Variants in EARS2 observed in about 807,000 individuals in gnomAD.
EARS2 encodes nondiscriminating glutamyl-tRNA synthetase EARS2, mitochondrial.
Under a neutral mutation model 54.1 loss-of-function variants are expected in EARS2, and 50 were observed. The observed-to-expected ratio is 0.92, with a 90% CI of 0.74 to 1.17. EARS2 has a LOEUF of 1.17. Among genes scored for constraint, EARS2 ranks in the 50% most tolerant of loss-of-function variants. The probability of loss-of-function intolerance (pLI) is 0.00; values close to 1 mark genes in which losing one functional copy is unlikely to be tolerated. For synonymous variants in EARS2, 298 were observed against 281.0 expected (o/e 1.06, Z -0.61); for missense variants, 673 against 675.0 (o/e 1.00, Z 0.03).
chr16:23,540,195 G>A (rs1002382975), intron 3 of EARS2, among the ~76,000 whole-genome samples: 1 of 151,994 alleles, frequency 6.6e-6, no homozygotes, highest in Non-Finnish European at 1.5e-5. Flanking sequence ...GGTGGTACAT[G>A]GCTGTGGTCA....
chr16:23,532,180 C>A lies in EARS2; in HGVS notation c.1067+477G>T, dbSNP rs1443245491. On this transcript the variant is annotated intron_variant, in intron 5 of 8. Transcript: ENST00000449606. ...AGTTGGAACGATATTTGGAGGTTTC[C>A]AAGTGAAGAGCTACTTGCAATATCA... 3.3e-5 allele frequency among the ~76,000 whole-genome samples: 5 copies of A among 152,078 alleles called. No individual in the cohort carries two copies. The East Asian group carries it at 9.6e-4, about 29-fold the overall frequency.
chr16:23,549,066 C>T (rs1171906110), intron 2 of EARS2, among the ~76,000 whole-genome samples: 3 of 152,168 alleles, frequency 2.0e-5, no homozygotes, highest in Non-Finnish European at 4.4e-5. Context: ...ACCCAAAACT[C>T]GCCAAGCTGC....
chr16:23,544,721 A>G lies in EARS2; in HGVS notation c.296-18T>C. 6.3e-7 allele frequency: 1 copy of G among 1,587,170 alleles called. No homozygotes were observed. The highest frequency in any genetic ancestry group is 8.6e-7 in the Non-Finnish European group (1 of 1,167,528). ...CGGGATGCCTGGAACACAGGGAATA[A>G]TGACAGCTAAGGTGCACACAGCGCT... On this transcript the variant is annotated intron_variant, in intron 2 of 8. Transcript: ENST00000449606.
At chr16:23,539,115 T>A (rs1965472366) in intron 3 of EARS2, among the ~76,000 whole-genome samples, 1 of 151,906 alleles carries the variant, frequency 6.6e-6, no homozygotes, top group Non-Finnish European at 1.5e-5. Context: ...GTAGCTGAGA[T>A]TATGGGCACA....
intron 3 of EARS2, among the ~76,000 whole-genome samples, chr16:23,541,693 G>A (rs936956331): frequency 4.7e-5 from 5 of 105,728 alleles, no homozygotes; most frequent in Non-Finnish European, 7.4e-5. Context: ...TATCTTTGTG[G>A]ATCTTCTTTT....
intron 3 of EARS2, 51 bp from the exon 4 acceptor site, chr16:23,535,411 C>A (rs566570847): frequency 2.6e-6 from 4 of 1,532,296 alleles, no homozygotes; most frequent in East Asian, 4.5e-5. Flanking sequence ...GGTTGATGGA[C>A]AGGAGTCCTA....
chr16:23,523,322 CT>C lies in EARS2; in HGVS notation c.*1048del, dbSNP rs750087699. ...TTTCAGAAACCAGCAGAGATGATGA[CT>C]TATAAGTCATGGAGGAAGGACGAGG... On this transcript the variant is annotated 3_prime_UTR_variant, in exon 9 of 9. Coordinates refer to ENST00000449606, the MANE Select transcript of EARS2 (RefSeq NM_001083614.2). 2.6e-5 allele frequency: 4 copies of C among 152,122 alleles called. No individual in the cohort carries two copies. Among genetic ancestry groups the C allele is most frequent in the Non-Finnish European group, 5.9e-5 (4 of 68,052 alleles). 9.4% of individuals were successfully genotyped at this position (152,122 alleles called of 1,614,324 possible). A position where few individuals can be genotyped will look rare whatever the true frequency, so the allele number is the denominator to read the frequency against.
At chr16:23,553,035 G>T in intron 1 of EARS2, 1 of 394,278 alleles carries the variant, frequency 2.5e-6, no homozygotes, top group Non-Finnish European at 5.1e-6. Flanking sequence ...ACTGAGGTGG[G>T]AGGATCACCT....
At chr16:23,525,891 A>G (rs1182548783) in intron 7 of EARS2, among the ~76,000 whole-genome samples, 2 of 151,298 alleles carry the variant, frequency 1.3e-5, no homozygotes, top group Non-Finnish European at 2.9e-5. Flanking sequence ...CCAGCTACTC[A>G]GGAGGCTGAG....
At position 23,524,303 on chromosome 16, in the gene EARS2, G is replaced by C. The variant is rs1212061331; in HGVS notation, c.*68C>G. 7.1e-7 allele frequency: 1 copy of C among 1,411,624 alleles called. No homozygotes were observed. Among genetic ancestry groups the C allele is most frequent in the Non-Finnish European group, 1.0e-6 (1 of 996,974 alleles). The allele number at this position is 1,411,624 out of a possible 1,614,324, so 87.4% of individuals were successfully genotyped here. On this transcript the variant is annotated 3_prime_UTR_variant, in exon 9 of 9. Transcript: ENST00000449606. ...CCGACGGGCCCCAGGCCTCCTTCTG[G>C]TCTCTGAAAGCTGTTTCTAAGCTCA...
intron 2 of EARS2, among the ~76,000 whole-genome samples, chr16:23,547,648 G>GC (rs1965625993): frequency 1.3e-5 from 2 of 152,186 alleles, no homozygotes; most frequent in Non-Finnish European, 2.9e-5. Flanking sequence ...GGGATTACAA[G>GC]CATGTGCCAC....
In EARS2 at chr16:23,544,716, G is replaced by A. The variant is rs1555504132; in HGVS notation, c.296-13C>T. On this transcript the variant is annotated splice_polypyrimidine_tract_variant and intron_variant, in intron 2 of 8. Coordinates refer to ENST00000449606, the MANE Select transcript of EARS2 (RefSeq NM_001083614.2). ...TCAGGCGGGATGCCTGGAACACAGG[G>A]AATAATGACAGCTAAGGTGCACACA... 4 of 1,590,732 alleles carry A rather than the reference G, an allele frequency of 2.5e-6. 1 individual carries two copies. In the South Asian group the frequency reaches 4.5e-5, roughly 18 times the overall value.
chr16:23,527,736 G>C (rs925812483), intron 7 of EARS2, among the ~76,000 whole-genome samples: 3 of 151,980 alleles, frequency 2.0e-5, no homozygotes, highest in Non-Finnish European at 4.4e-5. Context: ...TGTATTTTTA[G>C]TAGAGACGGG....
chr16:23,531,130 CAG>C (rs1965320627), intron 5 of EARS2, among the ~76,000 whole-genome samples: 3 of 151,122 alleles, frequency 2.0e-5, no homozygotes, highest in Admixed American at 2.0e-4. Context: ...ACTCCTGACT[CAG>C]GAGATCCACC....
chr16:23,542,232 G>A (rs912069290), intron 3 of EARS2, among the ~76,000 whole-genome samples: 9 of 150,596 alleles, frequency 6.0e-5, no homozygotes, highest in African/African-American at 2.2e-4. Flanking sequence ...GACCTCAAGT[G>A]ATCTGCCCAC....
chr16:23,532,834 T>A, intron 4 of EARS2, 69 bp from the exon 5 acceptor site: 1 of 1,142,178 alleles, frequency 8.8e-7, no homozygotes, highest in Admixed American at 2.0e-5. Flanking sequence ...ATCTCTTTTT[T>A]TTAAGAGACA....
chr16:23,531,329 C>T (rs531327310), intron 5 of EARS2, among the ~76,000 whole-genome samples: 115 of 151,902 alleles, frequency 7.6e-4, no homozygotes, highest in Admixed American at 1.2e-3. Flanking sequence ...GGAGCGATCT[C>T]GGCTCACTGC....
rs570258433 is a variant in EARS2, at chr16:23,524,114, TA to T, written c.*256del. 1.1e-4 allele frequency: 61 copies of T among 550,046 alleles called. No homozygotes were observed. In the East Asian group the frequency reaches 1.7e-3, roughly 16 times the overall value. The allele number at this position is 550,046 out of a possible 1,614,324, so 34.1% of individuals were successfully genotyped here. ...GAACTAACTCCAAACCTCTGCTGTGTAATGTGTGAGAAACCAGACCCGGAGA... is the reference window on the plus strand; with the variant it reads ...GAACTAACTCCAAACCTCTGCTGTGTATGTGTGAGAAACCAGACCCGGAGA... On this transcript the variant is annotated 3_prime_UTR_variant, in exon 9 of 9. Coordinates refer to ENST00000449606, the MANE Select transcript of EARS2 (RefSeq NM_001083614.2).
intron 1 of EARS2, 79 bp from the exon 2 acceptor site, chr16:23,552,383 G>T: frequency 6.9e-7 from 1 of 1,453,304 alleles, no homozygotes; most frequent in South Asian, 1.2e-5. Flanking sequence ...GCACTACTGT[G>T]ACAGAATGTT....
Sources: gnomAD v4.1 joint callset for allele counts (sites outside exome capture counted in the v4.1 genomes callset) on GRCh38, gnomAD v4.1.1 for gene constraint, MANE v1.5 for transcripts, NCBI Gene and HGNC (gene_info 2026-07-23, HGNC 2026-07-21) for gene names.